The following NCOA7 variants were observed in gnomAD, a reference collection of about 807,000 sequenced individuals.
The protein encoded by NCOA7 is nuclear receptor coactivator 7.
A neutral mutation model predicts 104.3 loss-of-function variants in NCOA7; 45 were observed. The observed-to-expected ratio is 0.43, with a 90% confidence interval of 0.34 to 0.55. The LOEUF (loss-of-function observed/expected upper bound fraction) is 0.55. NCOA7 is among the 20% of genes least tolerant of loss of function. The probability of loss-of-function intolerance (pLI) is 0.02; values close to 1 mark genes in which losing one functional copy is unlikely to be tolerated. For missense variants in NCOA7, 1,041 were observed against 1,119.7 expected, an observed-to-expected ratio of 0.93 and a Z score of 1.00; for synonymous variants, 398 against 402.3, an observed-to-expected ratio of 0.99 and a Z score of 0.13.
intron 10 of NCOA7, among the ~76,000 whole-genome samples, chr6:125,911,480 C>T (rs1426812306): frequency 6.6e-6 from 1 of 152,192 alleles, no homozygotes; most frequent in East Asian, 1.9e-4. Flanking sequence ...TATTGCCAGT[C>T]GGTGATCCAG....
intron 1 of NCOA7, among the ~76,000 whole-genome samples, chr6:125,793,245 C>T (rs994619306): frequency 6.6e-6 from 1 of 152,114 alleles, no homozygotes; most frequent in East Asian, 1.9e-4. Context: ...AATTTGTAAC[C>T]CAGGGTATTG....
rs57168444 is a variant in NCOA7, at chr6:125,840,868, G to GTTTTTTTTTTTTTTTTT, written c.51-14126_51-14110dup. On this transcript the variant is annotated intron_variant, in intron 2 of 15. Coordinates refer to ENST00000392477, the MANE Select transcript of NCOA7 (RefSeq NM_181782.5). The stretch of plus-strand genomic sequence containing the variant: ...TTTTATGGTTTTTTTTGTTTGGTTG[G>GTTTTTTTTTTTTTTTTT]TTTTTTTTTTTTTTTTTTTTTTTTT... 4.0e-4 allele frequency among the ~76,000 whole-genome samples: 16 copies of GTTTTTTTTTTTTTTTTT among 40,370 alleles called. 3 individuals are homozygous for GTTTTTTTTTTTTTTTTT. The highest frequency in any genetic ancestry group is 6.2e-4 in the African/African-American group (6 of 9,662). The allele number at this position is 40,370 out of a possible 152,430, so 26.5% of individuals were successfully genotyped here.
intron 1 of NCOA7, among the ~76,000 whole-genome samples, chr6:125,807,012 G>GGT (rs1776527637): frequency 6.6e-6 from 1 of 152,144 alleles, no homozygotes; most frequent in Non-Finnish European, 1.5e-5. Flanking sequence ...TGCTCAGTAT[G>GGT]TGCCCTGTCA....
Position 125,816,115 on chromosome 6 carries a change from C to A in NCOA7, c.50+711C>A, listed in dbSNP as rs756483630. On this transcript the variant is annotated intron_variant, in intron 2 of 15. Transcript: ENST00000392477. ...CCTAAATTGAAATACATGTTAAGAA[C>A]TGAATTTAGCCTCATTCCATCCCCA... 4.6e-5 allele frequency among the ~76,000 whole-genome samples: 7 copies of A among 152,128 alleles called. No homozygotes were observed. In the South Asian group the frequency reaches 1.2e-3, roughly 27 times the overall value.
Position 125,929,604 on chromosome 6 carries a change from T to G in NCOA7, c.*833T>G, listed in dbSNP as rs1788341948. 1 of 152,196 alleles carries G rather than the reference T, an allele frequency of 6.6e-6. No homozygotes were observed. Among genetic ancestry groups the G allele is most frequent in the Non-Finnish European group, 1.5e-5 (1 of 68,026 alleles). The allele number at this position is 152,196 out of a possible 1,614,324, so 9.4% of individuals were successfully genotyped here. On this transcript the variant is annotated 3_prime_UTR_variant, in exon 16 of 16. Coordinates refer to ENST00000392477, the MANE Select transcript of NCOA7 (RefSeq NM_181782.5). ...GACTATTATAGGCCAGCTTTCCATT[T>G]AGTCAATAAAAGCGTACATTTTTAG...
chr6:125,919,159 T>C, intron 11 of NCOA7: 1 of 1,383,252 alleles, frequency 7.2e-7, no homozygotes, highest in Non-Finnish European at 9.7e-7. Context: ...GTGTTTGCTC[T>C]AAATCCTAAT....
intron 1 of NCOA7, among the ~76,000 whole-genome samples, chr6:125,782,550 C>T (rs543348027): frequency 2.0e-5 from 3 of 152,284 alleles, no homozygotes; most frequent in Non-Finnish European, 4.4e-5. Context: ...TTAGTTGTCA[C>T]GTATCTGTAG....
At chr6:125,902,546 G>C (rs919470914) in intron 10 of NCOA7, among the ~76,000 whole-genome samples, 1 of 151,658 alleles carries the variant, frequency 6.6e-6, no homozygotes, top group African/African-American at 2.4e-5. Flanking sequence ...ACCGTAACTA[G>C]TAGTGAATCT....
At chr6:125,901,616 G>A (rs531303669) in intron 10 of NCOA7, among the ~76,000 whole-genome samples, 22 of 152,284 alleles carry the variant, frequency 1.4e-4, no homozygotes, top group Non-Finnish European at 1.3e-4. Flanking sequence ...GGTTGCCCAC[G>A]ACCACTGGAG....
intron 2 of NCOA7, among the ~76,000 whole-genome samples, chr6:125,826,417 A>G (rs765420651): frequency 5.3e-5 from 8 of 152,044 alleles, no homozygotes; most frequent in Non-Finnish European, 8.8e-5. Flanking sequence ...AATCCAATAT[A>G]TGTAATCTTT....
At chr6:125,915,301 G>A in intron 10 of NCOA7, 32 bp from the exon 11 acceptor site, 1 of 1,611,656 alleles carries the variant, frequency 6.2e-7, no homozygotes, top group Non-Finnish European at 8.5e-7. Context: ...AGTGGACATG[G>A]TGTTAACATC....
intron 2 of NCOA7, among the ~76,000 whole-genome samples, chr6:125,830,731 A>G (rs1425042469): frequency 1.7e-5 from 2 of 116,846 alleles, no homozygotes; most frequent in East Asian, 5.9e-4. Context: ...TTATATATAT[A>G]TATATATGTG....
At chr6:125,846,417 G>T (rs112362546) in intron 2 of NCOA7, among the ~76,000 whole-genome samples, 17 of 148,186 alleles carry the variant, frequency 1.1e-4, no homozygotes, top group Middle Eastern at 3.6e-3. Context: ...ACTCTTCTCC[G>T]CCAAGGGCAA....
intron 2 of NCOA7, among the ~76,000 whole-genome samples, chr6:125,832,553 C>T (rs903270914): frequency 1.3e-5 from 2 of 152,134 alleles, no homozygotes; most frequent in East Asian, 3.8e-4. Flanking sequence ...ATGAAGTTTG[C>T]AGCCTGGATA....
intron 1 of NCOA7, among the ~76,000 whole-genome samples, chr6:125,813,694 C>T (rs1049181757): frequency 1.3e-5 from 2 of 152,018 alleles, no homozygotes; most frequent in African/African-American, 4.8e-5. Flanking sequence ...AGGTGATCCA[C>T]CCACCTCGGC....
upstream of NCOA7, among the ~76,000 whole-genome samples, chr6:125,786,876 G>T (rs913495971): frequency 6.6e-6 from 1 of 152,150 alleles, no homozygotes; most frequent in South Asian, 2.1e-4. Context: ...GCCAGGCGCA[G>T]GGGCTCATGT....
intron 10 of NCOA7, among the ~76,000 whole-genome samples, chr6:125,909,489 A>G (rs1006579463): frequency 1.3e-5 from 2 of 152,160 alleles, no homozygotes; most frequent in African/African-American, 4.8e-5. Flanking sequence ...GTGAGGGAGA[A>G]CACACACAAT....
chr6:125,882,628 A>T (rs1562973029), intron 7 of NCOA7, 77 bp downstream of exon 7: 2 of 1,525,942 alleles, frequency 1.3e-6, no homozygotes, highest in Admixed American at 2.0e-5. Flanking sequence ...ACTGGAACAG[A>T]GGCTACATTA....
intron 2 of NCOA7, among the ~76,000 whole-genome samples, chr6:125,846,796 G>T (rs1000551936): frequency 1.3e-5 from 2 of 152,154 alleles, no homozygotes; most frequent in African/African-American, 4.8e-5. Context: ...TGTGACCTTG[G>T]GAAATGGCCC....
Sources: allele counts gnomAD v4.1 joint callset (sites outside exome capture counted in the v4.1 genomes callset), GRCh38; gene constraint gnomAD v4.1.1; transcripts MANE v1.5; gene names NCBI Gene and HGNC (gene_info 2026-07-23, HGNC 2026-07-21).